Variants in DNA2 observed in about 807,000 individuals in gnomAD.
DNA2 encodes the protein DNA replication ATP-dependent helicase/nuclease DNA2.
DNA2 carries 101 observed loss-of-function variants against 119.1 expected under a neutral mutation model. That is an observed-to-expected ratio of 0.85 (90% CI 0.72 to 1.00). DNA2 has a LOEUF of 1.00. DNA2 is among the 50% of genes least tolerant of loss of function. The probability of loss-of-function intolerance (pLI) is 0.00; values close to 1 mark genes in which losing one functional copy is unlikely to be tolerated. For synonymous variants in DNA2, 366 were observed against 424.4 expected, an observed-to-expected ratio of 0.86 and a Z score of 1.69; for missense variants, 1,121 against 1,255.5, an observed-to-expected ratio of 0.89 and a Z score of 1.62.
At chr10:68,425,720 T>G (rs976937812) in intron 14 of DNA2, among the ~76,000 whole-genome samples, 1 of 151,906 alleles carries the variant, frequency 6.6e-6, no homozygotes, top group African/African-American at 2.4e-5. Context: ...ACATTTCATT[T>G]CCTGTTTTGT....
intron 3 of DNA2, among the ~76,000 whole-genome samples, chr10:68,467,219 T>C (rs2052337293): frequency 6.6e-6 from 1 of 151,876 alleles, no homozygotes; most frequent in Non-Finnish European, 1.5e-5. Context: ...GTTCAAGCAA[T>C]TCTGCCTCAG....
Position 68,450,094 on chromosome 10 carries a change from T to C in DNA2, c.873A>G (p.Lys291=). The C allele has an allele frequency of 6.2e-7, 1 of 1,603,656 alleles. No homozygotes were observed. Among genetic ancestry groups the C allele is most frequent in the South Asian group, 1.1e-5 (1 of 89,530 alleles). Residue 291 remains lysine, a synonymous_variant, in exon 6 of 21, where the codon AAA becomes AAG. Coordinates refer to ENST00000358410, the MANE Select transcript of DNA2 (RefSeq NM_001080449.3). Reference sequence around the variant, plus strand: ...TAAGTTCCAGCGGCATTATCTTGTATTTTGTTTTATACCCTCGATGTATTT... The same window carrying C: ...TAAGTTCCAGCGGCATTATCTTGTACTTTGTTTTATACCCTCGATGTATTT... ...GVKIHRGYKT[K]YKIMPLELKT...
At chr10:68,430,319 T>C in intron 14 of DNA2, 117 bp downstream of exon 14, 1 of 713,616 alleles carries the variant, frequency 1.4e-6, no homozygotes, top group East Asian at 2.7e-5. Flanking sequence ...ATAGTACATA[T>C]AAATTAATCA....
chr10:68,429,272 C>T (rs1180561065), intron 14 of DNA2, among the ~76,000 whole-genome samples: 1 of 148,926 alleles, frequency 6.7e-6, no homozygotes, highest in Middle Eastern at 3.3e-3. Context: ...AAGCCGGGCG[C>T]AGTAGTTCAC....
Position 68,425,033 on chromosome 10 carries a change from T to C in DNA2, c.2209-2143A>G, listed in dbSNP as rs563728198. ...TTGTGCAACCATGGTTTAACTGAGA[T>C]TTTTAGGCTAGTGTGTGTTTCTTTG... On this transcript the variant is annotated intron_variant, in intron 14 of 20. Coordinates refer to ENST00000358410, the MANE Select transcript of DNA2 (RefSeq NM_001080449.3). The C allele has an allele frequency of 1.0e-4, 48 of 470,716 alleles. 1 individual carries two copies. Among genetic ancestry groups the C allele is most frequent in the African/African-American group, 9.4e-4 (47 of 49,928 alleles). 29.2% of individuals were successfully genotyped at this position (470,716 alleles called of 1,614,324 possible). A position where few individuals can be genotyped will look rare whatever the true frequency, so the allele number is the denominator to read the frequency against.
intron 9 of DNA2, 45 bp downstream of exon 9, chr10:68,442,872 T>C (rs1421795197): frequency 1.3e-6 from 2 of 1,499,732 alleles, no homozygotes; most frequent in East Asian, 4.6e-5. Context: ...CCTCATTCAC[T>C]AATCCAAACT....
At chr10:68,467,209 G>A (rs1174894663) in intron 3 of DNA2, among the ~76,000 whole-genome samples, 1 of 151,830 alleles carries the variant, frequency 6.6e-6, no homozygotes, top group East Asian at 1.9e-4. Context: ...CGCCTCCAGG[G>A]TTCAAGCAAT....
intron 4 of DNA2, among the ~76,000 whole-genome samples, chr10:68,459,457 T>A (rs1056820062): frequency 1.1e-4 from 17 of 152,212 alleles, no homozygotes; most frequent in South Asian, 2.1e-4. Flanking sequence ...TTCTGACATA[T>A]GTTACAACAT....
chr10:68,431,816 G>T, intron 13 of DNA2, 46 bp downstream of exon 13: 2 of 1,287,144 alleles, frequency 1.6e-6, no homozygotes, highest in South Asian at 1.3e-5. Context: ...CTGAGGAGAA[G>T]CTGATACAAA....
chr10:68,447,749 C>T (rs1352395424), intron 6 of DNA2, among the ~76,000 whole-genome samples: 17 of 151,226 alleles, frequency 1.1e-4, no homozygotes, highest in Non-Finnish European at 1.8e-4. Context: ...TTTGGGAGGC[C>T]GAGGCGGGCG....
chr10:68,457,730 A>T lies in DNA2; in HGVS notation c.719+1374T>A, dbSNP rs558263679. Among the ~76,000 whole-genome samples, 872 of 149,538 alleles carry T rather than the reference A, an allele frequency of 5.8e-3. 6 individuals are homozygous for T. Among genetic ancestry groups the T allele is most frequent in the African/African-American group, 0.02 (830 of 41,164 alleles). On this transcript the variant is annotated intron_variant, in intron 5 of 20. Coordinates refer to ENST00000358410, the MANE Select transcript of DNA2 (RefSeq NM_001080449.3). ...TCCCCTATAAAATTATAACAATGCC[A>T]CTTTGAGAAAAAAAAAAAAAAAACT...
chr10:68,425,363 G>A (rs1335614800), intron 14 of DNA2, among the ~76,000 whole-genome samples: 1 of 150,914 alleles, frequency 6.6e-6, no homozygotes, highest in Non-Finnish European at 1.5e-5. Context: ...CAAAGTGATG[G>A]GATTACAGGC....
chr10:68,431,020 G>A (rs1210512194), intron 13 of DNA2, among the ~76,000 whole-genome samples: 1 of 151,724 alleles, frequency 6.6e-6, no homozygotes, highest in Non-Finnish European at 1.5e-5. Context: ...CGCCCCTGTG[G>A]TCCCAGCTAC....
chr10:68,449,108 T>C (rs2052084447), intron 6 of DNA2, among the ~76,000 whole-genome samples: 1 of 152,140 alleles, frequency 6.6e-6, no homozygotes, highest in South Asian at 2.1e-4. Context: ...TGAAATGCTT[T>C]TATATTTCTC....
chr10:68,452,904 ATT>A (rs879332891), intron 5 of DNA2, among the ~76,000 whole-genome samples: 1 of 139,668 alleles, frequency 7.2e-6, no homozygotes, highest in Admixed American at 7.3e-5. Flanking sequence ...TATTACCACA[ATT>A]TTTTTTTTTT....
chr10:68,471,659 G>A, intron 1 of DNA2, 132 bp downstream of exon 1: 1 of 1,132,848 alleles, frequency 8.8e-7, no homozygotes. Flanking sequence ...AGGCTCGTCG[G>A]GTGCCCAGGG....
intron 18 of DNA2, 124 bp downstream of exon 18, chr10:68,419,679 T>C (rs771322795): frequency 8.9e-6 from 6 of 672,314 alleles, no homozygotes; most frequent in African/African-American, 1.8e-5. Context: ...ATAAAAACAA[T>C]GGGGCTTCAA....
chr10:68,472,199 A>G (rs1017582966), upstream of DNA2: 21 of 1,254,276 alleles, frequency 1.7e-5, no homozygotes, highest in African/African-American at 6.2e-5. Context: ...GGTTCACACC[A>G]TTCTCCTGCT....
intron 4 of DNA2, among the ~76,000 whole-genome samples, chr10:68,463,369 A>C (rs1018786656): frequency 6.8e-6 from 1 of 146,832 alleles, no homozygotes; most frequent in Non-Finnish European, 1.5e-5. Flanking sequence ...GCGTGAACCC[A>C]GGAGGCGGAG....
Sources: allele counts gnomAD v4.1 joint callset (sites outside exome capture counted in the v4.1 genomes callset), GRCh38; gene constraint gnomAD v4.1.1; transcripts MANE v1.5; gene names NCBI Gene and HGNC (gene_info 2026-07-23, HGNC 2026-07-21).